Variants in CYP19A1 observed in about 807,000 individuals in gnomAD.
CYP19A1 encodes cytochrome P450 family 19 subfamily A member 1.
Under a neutral mutation model 44.4 loss-of-function variants are expected in CYP19A1, and 32 were observed. The observed-to-expected ratio is 0.72, with a 90% CI of 0.54 to 0.97. The LOEUF (loss-of-function observed/expected upper bound fraction) is 0.97. CYP19A1 is among the 50% of genes least tolerant of loss of function. The pLI, the probability that CYP19A1 is intolerant of heterozygous loss-of-function variation, is 0.00. For synonymous variants in CYP19A1, 212 were observed against 215.6 expected (o/e 0.98, Z 0.14); for missense variants, 598 against 637.8 (o/e 0.94, Z 0.67).
At chr15:51,213,916 G>A (rs1364524315) in intron 8 of CYP19A1, among the ~76,000 whole-genome samples, 2 of 152,148 alleles carry the variant, frequency 1.3e-5, no homozygotes, top group Non-Finnish European at 2.9e-5. Context: ...CTGCTAGGAG[G>A]CACTCAAGAA....
At chr15:51,268,781 G>T (rs928307959) in intron 1 of CYP19A1, among the ~76,000 whole-genome samples, 2 of 152,014 alleles carry the variant, frequency 1.3e-5, no homozygotes, top group South Asian at 4.1e-4. Flanking sequence ...ATCTGATTGC[G>T]ATCTTAATTT....
intron 1 of CYP19A1, among the ~76,000 whole-genome samples, chr15:51,319,650 A>T (rs1668878509): frequency 6.6e-6 from 1 of 152,230 alleles, no homozygotes; most frequent in African/African-American, 2.4e-5. Context: ...CATGAAAATC[A>T]TGTCTTCATA....
At chr15:51,248,085 T>C (rs1446446110) in intron 1 of CYP19A1, among the ~76,000 whole-genome samples, 5 of 152,224 alleles carry the variant, frequency 3.3e-5, no homozygotes, top group African/African-American at 9.6e-5. Flanking sequence ...CAAAAGCCTC[T>C]GTTGTGAAAA....
chr15:51,232,955 C>T (rs1187904386), intron 3 of CYP19A1, among the ~76,000 whole-genome samples: 4 of 152,354 alleles, frequency 2.6e-5, no homozygotes, highest in East Asian at 1.9e-4. Flanking sequence ...CAAGGCCTGA[C>T]GTGATTTGGT....
chr15:51,288,771 C>T (rs1378376621), intron 1 of CYP19A1, among the ~76,000 whole-genome samples: 1 of 152,218 alleles, frequency 6.6e-6, no homozygotes, highest in African/African-American at 2.4e-5. Context: ...GTGAGACACC[C>T]TTCCCCCATA....
chr15:51,223,593 T>TCTCTCTCACACACACACACACACA (rs1356666512), intron 4 of CYP19A1, among the ~76,000 whole-genome samples: 77 of 90,198 alleles, frequency 8.5e-4, no homozygotes, highest in East Asian at 1.9e-3. Flanking sequence ...TCTCTCTCTC[T>TCTCTCTCACACACACACACACACA]CACACACACA....
intron 4 of CYP19A1, among the ~76,000 whole-genome samples, chr15:51,223,826 G>C (rs1416749841): frequency 6.6e-6 from 1 of 152,090 alleles, no homozygotes; most frequent in Non-Finnish European, 1.5e-5. Context: ...CTGGGTGACT[G>C]CCACTTCAGC....
At chr15:51,226,210 A>C (rs1027018712) in intron 4 of CYP19A1, among the ~76,000 whole-genome samples, 1 of 151,704 alleles carries the variant, frequency 6.6e-6, no homozygotes, top group African/African-American at 2.4e-5. Context: ...GACTCAACCC[A>C]CTGTTGATGG....
intron 1 of CYP19A1, chr15:51,314,143 A>T (rs1394859714): frequency 6.6e-6 from 1 of 152,046 alleles, no homozygotes; most frequent in South Asian, 2.1e-4. Context: ...TCCAAACCTA[A>T]GTCTTCCACG....
At position 51,272,705 on chromosome 15, in the gene CYP19A1, T is replaced by G. The variant is rs192697310; in HGVS notation, c.-38-29755A>C. On this transcript the variant is annotated intron_variant, in intron 1 of 9. Transcript: ENST00000396402. ...AGGGTAGTTTTGCTAGAGCCTCCTC[T>G]AGAGTAGTACCAAACTCATGTATGA... Among the ~76,000 whole-genome samples, 247 of 152,310 alleles carry G rather than the reference T, an allele frequency of 1.6e-3. 6 individuals carry two copies. Among genetic ancestry groups the G allele is most frequent in the Admixed American group, 0.014 (219 of 15,302 alleles).
At chr15:51,280,199 G>A (rs984248178) in intron 1 of CYP19A1, among the ~76,000 whole-genome samples, 1 of 140,950 alleles carries the variant, frequency 7.1e-6, no homozygotes, top group Non-Finnish European at 1.5e-5. Context: ...TCGGCTCACT[G>A]CAACCTCTGC....
intron 1 of CYP19A1, among the ~76,000 whole-genome samples, chr15:51,315,458 G>A (rs150183078): frequency 6.7e-6 from 1 of 149,840 alleles, no homozygotes; most frequent in Non-Finnish European, 1.5e-5. Flanking sequence ...ATTTCATTTT[G>A]TAGTTGCTTG....
intron 1 of CYP19A1, among the ~76,000 whole-genome samples, chr15:51,259,470 A>G (rs2034635721): frequency 6.6e-6 from 1 of 152,212 alleles, no homozygotes; most frequent in Non-Finnish European, 1.5e-5. Flanking sequence ...CTTTGGCTCA[A>G]GTCAACCAGC....
intron 1 of CYP19A1, among the ~76,000 whole-genome samples, chr15:51,327,842 A>G (rs1203237387): frequency 6.6e-6 from 1 of 152,166 alleles, no homozygotes; most frequent in Non-Finnish European, 1.5e-5. Flanking sequence ...TAGATAATAT[A>G]TCTACCTACA....
intron 1 of CYP19A1, among the ~76,000 whole-genome samples, chr15:51,253,453 A>G (rs2034402476): frequency 6.6e-6 from 1 of 152,104 alleles, no homozygotes; most frequent in Non-Finnish European, 1.5e-5. Flanking sequence ...TGTAGCTCCC[A>G]ATACATCCCT....
At chr15:51,260,600 T>C (rs2140934588) in intron 1 of CYP19A1, among the ~76,000 whole-genome samples, 1 of 152,242 alleles carries the variant, frequency 6.6e-6, no homozygotes, top group South Asian at 2.1e-4. Context: ...GAGACAGAAC[T>C]AGATGGATTT....
chr15:51,333,474 C>A (rs1022593618), intron 1 of CYP19A1, among the ~76,000 whole-genome samples: 1 of 152,174 alleles, frequency 6.6e-6, no homozygotes, highest in Non-Finnish European at 1.5e-5. Context: ...ATTACAGAAT[C>A]GGGGGTGGTT....
chr15:51,241,838 A>G (rs1654322077), intron 2 of CYP19A1, among the ~76,000 whole-genome samples: 1 of 152,200 alleles, frequency 6.6e-6, no homozygotes, highest in African/African-American at 2.4e-5. Context: ...AAAAGAATCC[A>G]GACACAGAGC....
chr15:51,222,549 C>T (rs747850132), intron 4 of CYP19A1, 24 bp from the exon 5 acceptor site: 1 of 1,604,348 alleles, frequency 6.2e-7, no homozygotes, highest in Non-Finnish European at 8.5e-7. Context: ...ATCAGAGAAT[C>T]AGCCATCACG....
Sources: allele counts gnomAD v4.1 joint callset (sites outside exome capture counted in the v4.1 genomes callset), GRCh38; gene constraint gnomAD v4.1.1; transcripts MANE v1.5; gene names NCBI Gene and HGNC (gene_info 2026-07-23, HGNC 2026-07-21).